The following FMO5 variants were observed in gnomAD, a reference collection of about 807,000 sequenced individuals.
FMO5 encodes the protein flavin containing dimethylaniline monoxygenase 5, also known as flavin-containing monooxygenase 5.
FMO5 carries 51 observed loss-of-function variants against 43.6 expected under a neutral mutation model. The observed-to-expected ratio is 1.17, with a 90% CI of 0.93 to 1.48. FMO5 has a LOEUF of 1.48. FMO5 is among the 40% of genes most tolerant of loss of function. The pLI is 0.00. For synonymous variants in FMO5, 187 were observed against 216.5 expected (o/e 0.86, Z 1.20); for missense variants, 644 against 643.0 (o/e 1.00, Z -0.02).
At chr1:147,220,757 A>C (rs1380760868) in intron 2 of FMO5, among the ~76,000 whole-genome samples, 1 of 152,154 alleles carries the variant, frequency 6.6e-6, no homozygotes, top group East Asian at 1.9e-4. Flanking sequence ...TATGGCTAGC[A>C]GTTATACCAG....
chr1:147,195,476 G>A (rs1657822373), intron 7 of FMO5, among the ~76,000 whole-genome samples: 1 of 152,116 alleles, frequency 6.6e-6, no homozygotes, highest in Non-Finnish European at 1.5e-5. Flanking sequence ...TCCTGTGGAA[G>A]ATAAGCTTCA....
At chr1:147,218,682 T>G (rs1190438289) in intron 2 of FMO5, among the ~76,000 whole-genome samples, 1 of 152,210 alleles carries the variant, frequency 6.6e-6, no homozygotes, top group Admixed American at 6.5e-5. Flanking sequence ...CATTTCACAA[T>G]CTAGCCCGGT....
chr1:147,184,732 G>A, downstream of FMO5: 1 of 1,287,410 alleles, frequency 7.8e-7, no homozygotes, highest in African/African-American at 1.5e-5. The surrounding 1 kb of genome is among the most constrained non-coding windows in gnomAD (Gnocchi z 4.4). Context: ...ATTACTGTTA[G>A]TGTTAATCTT....
At chr1:147,223,377 G>T (rs149182113) in intron 2 of FMO5, among the ~76,000 whole-genome samples, 1 of 152,160 alleles carries the variant, frequency 6.6e-6, no homozygotes, top group Non-Finnish European at 1.5e-5. Context: ...GGGTGCAAAA[G>T]GATTGTATTT....
chr1:147,218,302 C>T (rs1445880377), intron 2 of FMO5, among the ~76,000 whole-genome samples: 1 of 151,326 alleles, frequency 6.6e-6, no homozygotes, highest in Non-Finnish European at 1.5e-5. Flanking sequence ...GTAGCACGAT[C>T]TCAGCTCCCT....
chr1:147,212,322 C>A, intron 5 of FMO5, 71 bp downstream of exon 5: 1 of 1,498,062 alleles, frequency 6.7e-7, no homozygotes, highest in South Asian at 1.2e-5. Context: ...TCTGTTGGGT[C>A]CACCTGCAGC....
chr1:147,201,023 T>C, intron 7 of FMO5, 129 bp downstream of exon 7: 4 of 682,190 alleles, frequency 5.9e-6, no homozygotes, highest in Non-Finnish European at 5.0e-6. Context: ...AATATATTTT[T>C]CTGTACTAAC....
intron 8 of FMO5, among the ~76,000 whole-genome samples, chr1:147,189,189 G>A (rs1302652032): frequency 2.0e-5 from 3 of 151,940 alleles, no homozygotes; most frequent in South Asian, 2.1e-4. Flanking sequence ...CAGGAGAATC[G>A]CTTGAACCCA....
At chr1:147,208,444 C>CTT (rs11374254) in intron 6 of FMO5, 9,484 of 145,540 alleles carry the variant, frequency 0.065, 512 homozygotes, top group African/African-American at 0.088. Flanking sequence ...CTTTTCTTTT[C>CTT]TTTTTTTTTT....
chr1:147,188,120 A>G (rs782560697), intron 8 of FMO5, among the ~76,000 whole-genome samples: 2 of 152,204 alleles, frequency 1.3e-5, no homozygotes, highest in African/African-American at 2.4e-5. Flanking sequence ...TTAGGAGAGA[A>G]AAAGGTAAAA....
At chr1:147,208,829 G>A (rs1239665049) in intron 6 of FMO5, 23 bp downstream of exon 6, 13 of 1,596,816 alleles carry the variant, frequency 8.1e-6, no homozygotes, top group Non-Finnish European at 1.0e-5. Flanking sequence ...CACTATCCCT[G>A]CACTCCCATC....
intron 1 of FMO5, 99 bp from the exon 2 acceptor site, chr1:147,225,165 G>A (rs1198370717): frequency 6.6e-7 from 1 of 1,519,592 alleles, no homozygotes; most frequent in African/African-American, 1.4e-5. Flanking sequence ...TACAAGAGGT[G>A]TCTTGAGGAG....
intron 6 of FMO5, chr1:147,205,036 A>G: frequency 1.4e-6 from 1 of 699,028 alleles, no homozygotes; most frequent in East Asian, 2.6e-5. Context: ...TCACTCTTCC[A>G]TCTTTGCTAT....
At position 147,212,440 on chromosome 1, in the gene FMO5, TC is replaced by T. The variant is rs1553923910; in HGVS notation, c.582del (p.Asn195IlefsTer8). 6.2e-7 allele frequency: 1 copy of T among 1,614,110 alleles called. No individual in the cohort carries two copies. The highest frequency in any genetic ancestry group is 2.2e-5 in the East Asian group (1 of 44,878). ...TCTACAGCCAGATCCCCTCCAGAATTCCCAATGCCAATTATAATGACTCTCT... is the reference window on the plus strand; with the variant it reads ...TCTACAGCCAGATCCCCTCCAGAATTCCAATGCCAATTATAATGACTCTCT... Reference protein sequence around the residue: ...TGKRVIIIGIGNSGGDLAVEI... With the variant: ...TGKRVIIIGIXNSGGDLAVEI... On this transcript the variant is annotated frameshift_variant, in exon 5 of 9. Transcript: ENST00000254090. LOFTEE classifies it high-confidence loss of function.
intron 2 of FMO5, among the ~76,000 whole-genome samples, chr1:147,218,689 C>T (rs758891125): frequency 9.2e-5 from 14 of 152,266 alleles, no homozygotes; most frequent in African/African-American, 1.9e-4. Flanking sequence ...CAATCTAGCC[C>T]GGTTTATCTT....
At chr1:147,196,713 G>A (rs1553919901) in intron 7 of FMO5, among the ~76,000 whole-genome samples, 1 of 151,914 alleles carries the variant, frequency 6.6e-6, no homozygotes, top group African/African-American at 2.4e-5. Flanking sequence ...AGACACATTA[G>A]CTTTACCATA....
Position 147,224,953 on chromosome 1 carries a change from CCTT to C in FMO5, c.74_76del (p.Glu25del), listed in dbSNP as rs782397228. 5.6e-5 allele frequency: 90 copies of C among 1,613,962 alleles called. No homozygotes were observed. Among genetic ancestry groups the C allele is most frequent in the Non-Finnish European group, 6.6e-5 (78 of 1,180,038 alleles). ...CCTTTCAAAGCAGACAGGTTCCAAG[CCTT>C]CTTCTACGCAGCACTTGATGGAAGA... On this transcript the variant is annotated inframe_deletion, in exon 2 of 9. Coordinates refer to ENST00000254090, the MANE Select transcript of FMO5 (RefSeq NM_001461.4).
intron 4 of FMO5, 111 bp from the exon 5 acceptor site, chr1:147,212,646 G>C: frequency 2.9e-6 from 3 of 1,017,514 alleles, no homozygotes; most frequent in East Asian, 4.8e-5. Context: ...TTCTCCAAGT[G>C]TTCTCTTTAC....
intron 2 of FMO5, 145 bp from the exon 3 acceptor site, chr1:147,216,087 C>T (rs987367212): frequency 4.4e-5 from 26 of 594,878 alleles, no homozygotes; most frequent in Non-Finnish European, 6.4e-5. Flanking sequence ...TTATGTAGTC[C>T]CTTCCCCTTG....
Sources: allele counts gnomAD v4.1 joint callset (sites outside exome capture counted in the v4.1 genomes callset), GRCh38; gene constraint gnomAD v4.1.1; non-coding constraint Gnocchi (gnomAD v3.1); transcripts MANE v1.5; gene names NCBI Gene and HGNC (gene_info 2026-07-23, HGNC 2026-07-21).